Variants in MPP7 observed in about 807,000 individuals in gnomAD.
The protein encoded by MPP7 is MAGUK p55 subfamily member 7.
In MPP7, 60 loss-of-function variants were observed where a neutral mutation model predicts 76.5. That is an observed-to-expected ratio of 0.78 (90% CI 0.64 to 0.97). The LOEUF (loss-of-function observed/expected upper bound fraction) is 0.97. Among genes scored for constraint, MPP7 ranks in the 50% least tolerant of loss-of-function variants. MPP7 has a pLI of 0.00. For missense variants in MPP7, 641 were observed against 694.0 expected (o/e 0.92, Z 0.86); for synonymous variants, 237 against 244.5 (o/e 0.97, Z 0.29).
chr10:28,192,545 T>A (rs1356020545), intron 3 of MPP7, among the ~76,000 whole-genome samples: 1 of 152,040 alleles, frequency 6.6e-6, no homozygotes, highest in Non-Finnish European at 1.5e-5. Context: ...AATAAAACAT[T>A]TAGGTATAAA....
At chr10:28,139,470 A>G (rs1835445085) in intron 5 of MPP7, among the ~76,000 whole-genome samples, 1 of 152,178 alleles carries the variant, frequency 6.6e-6, no homozygotes, top group Non-Finnish European at 1.5e-5. Context: ...AGAAAGATAT[A>G]CTTTTGTTCT....
intron 5 of MPP7, among the ~76,000 whole-genome samples, chr10:28,140,510 CA>C (rs985397751): frequency 1.4e-5 from 2 of 141,052 alleles, no homozygotes; most frequent in African/African-American, 2.7e-5. Flanking sequence ...GACTTAGTTT[CA>C]AAAAAAAAGA....
chr10:28,215,197 GAAT>G (rs1838269357), intron 2 of MPP7, among the ~76,000 whole-genome samples: 1 of 152,072 alleles, frequency 6.6e-6, no homozygotes, highest in African/African-American at 2.4e-5. Context: ...AGATTGATTT[GAAT>G]AATAATAAAA....
At chr10:28,062,027 A>C (rs1338353143) in intron 13 of MPP7, among the ~76,000 whole-genome samples, 1 of 152,176 alleles carries the variant, frequency 6.6e-6, no homozygotes, top group Admixed American at 6.5e-5. Context: ...TTTTAGGCTG[A>C]AGATAAATGA....
intron 1 of MPP7, among the ~76,000 whole-genome samples, chr10:28,245,573 C>T (rs1296876281): frequency 1.3e-5 from 2 of 152,102 alleles, no homozygotes; most frequent in Non-Finnish European, 2.9e-5. Flanking sequence ...GGCCAAGCTA[C>T]TTAATGAAAT....
intron 14 of MPP7, 74 bp downstream of exon 14, chr10:28,059,576 C>T (rs1286175419): frequency 2.4e-6 from 2 of 837,810 alleles, no homozygotes; most frequent in Non-Finnish European, 4.0e-6. Context: ...GGAGAACTCT[C>T]AGTTGTCTAA....
chr10:28,120,247 T>A lies in MPP7; in HGVS notation c.834A>T (p.Glu278Asp). The change falls in exon 10 of 17, where the codon GAA (glutamate) becomes GAT (aspartate). Residue 278 changes from glutamate (E) to aspartate (D), a missense_variant. By Grantham distance (45) the Glu-to-Asp change is conservative (BLOSUM62 2). Transcript: ENST00000683449. ...AGCCTGCCCTGGGGTTGGCATCAGC[T>A]TCGTGTTTCGCTTGCCACCAAGTTG... is the stretch of plus-strand genomic sequence containing the variant. ...DDATWWQAKH[E>D]ADANPRAGLI... 1 of 1,614,044 alleles carries A rather than the reference T, an allele frequency of 6.2e-7. No homozygotes were observed. Among genetic ancestry groups the A allele is most frequent in the Non-Finnish European group, 8.5e-7 (1 of 1,179,948 alleles).
chr10:28,256,950 C>T (rs1015351453), intron 1 of MPP7, among the ~76,000 whole-genome samples: 3 of 152,148 alleles, frequency 2.0e-5, no homozygotes, highest in African/African-American at 7.2e-5. Context: ...GAGACAAATT[C>T]CTATTTGATC....
chr10:28,065,400 T>C (rs1035047360), intron 13 of MPP7, among the ~76,000 whole-genome samples: 1 of 152,208 alleles, frequency 6.6e-6, no homozygotes, highest in Admixed American at 6.5e-5. Flanking sequence ...CTAGGTCTGA[T>C]GTTATTTTAC....
At chr10:28,194,086 C>T (rs1169718045) in intron 3 of MPP7, among the ~76,000 whole-genome samples, 1 of 152,226 alleles carries the variant, frequency 6.6e-6, no homozygotes, top group East Asian at 1.9e-4. Flanking sequence ...ACAATCTCAA[C>T]TCACTGCAAC....
intron 3 of MPP7, among the ~76,000 whole-genome samples, chr10:28,157,965 C>A (rs1836124122): frequency 6.7e-6 from 1 of 149,870 alleles, no homozygotes; most frequent in Non-Finnish European, 1.5e-5. Context: ...TAAGGAAATT[C>A]ATAGATCAGG....
At chr10:28,126,161 T>G (rs1036363362) in intron 6 of MPP7, among the ~76,000 whole-genome samples, 2 of 152,152 alleles carry the variant, frequency 1.3e-5, no homozygotes, top group African/African-American at 4.8e-5. Flanking sequence ...AGTCAAAGAA[T>G]TAAGTGACAG....
chr10:28,303,468 G>A (rs1841216356), upstream of MPP7: 1 of 152,182 alleles, frequency 6.6e-6, no homozygotes, highest in African/African-American at 2.4e-5. Flanking sequence ...GTATGAACTT[G>A]GTGAATAACG....
chr10:28,308,365 A>G (rs145789482), intron 2 of MPP7, among the ~76,000 whole-genome samples: 7 of 152,298 alleles, frequency 4.6e-5, no homozygotes, highest in African/African-American at 1.7e-4. Context: ...GGGGACACAA[A>G]TCAAGTTGCC....
intron 3 of MPP7, among the ~76,000 whole-genome samples, chr10:28,190,771 G>T (rs191795319): frequency 5.9e-5 from 9 of 151,456 alleles, no homozygotes; most frequent in Admixed American, 4.6e-4. Context: ...AGAGCAAGTA[G>T]AAGAAAAGAA....
At chr10:28,110,555 G>T (rs1834474925) in intron 11 of MPP7, among the ~76,000 whole-genome samples, 1 of 152,210 alleles carries the variant, frequency 6.6e-6, no homozygotes, top group African/African-American at 2.4e-5. Context: ...GATAAGAAGA[G>T]ATTTCATGTT....
At chr10:28,184,870 T>A (rs1297084870) in intron 3 of MPP7, among the ~76,000 whole-genome samples, 1 of 144,012 alleles carries the variant, frequency 6.9e-6, no homozygotes, top group Non-Finnish European at 1.5e-5. Flanking sequence ...ATGATTTTTA[T>A]GATTTTTTAT....
intron 1 of MPP7, among the ~76,000 whole-genome samples, chr10:28,332,473 A>C (rs1307646603): frequency 6.6e-6 from 1 of 152,200 alleles, no homozygotes; most frequent in Non-Finnish European, 1.5e-5. Flanking sequence ...TTGTGATCTA[A>C]ATAGTGCAAT....
At chr10:28,148,375 G>C (rs1413401834) in intron 4 of MPP7, among the ~76,000 whole-genome samples, 1 of 151,904 alleles carries the variant, frequency 6.6e-6, no homozygotes, top group East Asian at 1.9e-4. Flanking sequence ...ACTCAAACAG[G>C]AAAAAAGATT....
Sources: allele counts gnomAD v4.1 joint callset (sites outside exome capture counted in the v4.1 genomes callset), GRCh38; gene constraint gnomAD v4.1.1; transcripts MANE v1.5; gene names NCBI Gene and HGNC (gene_info 2026-07-23, HGNC 2026-07-21).